The following ANKRD29 variants were observed in gnomAD, a reference collection of about 807,000 sequenced individuals.
ANKRD29 encodes ankyrin repeat domain-containing protein 29.
A neutral mutation model predicts 38.0 loss-of-function variants in ANKRD29; 32 were observed. The ratio of observed to expected loss-of-function variants is 0.84; its 90% confidence interval spans 0.64 to 1.13. ANKRD29 has a LOEUF of 1.13. Ranked by LOEUF, ANKRD29 falls within the 50% of genes most tolerant of loss-of-function variation. The probability of loss-of-function intolerance (pLI) is 0.00; values close to 1 mark genes in which losing one functional copy is unlikely to be tolerated. For missense variants in ANKRD29, 357 were observed against 377.9 expected, an observed-to-expected ratio of 0.94 and a Z score of 0.46; for synonymous variants, 135 against 152.4, an observed-to-expected ratio of 0.89 and a Z score of 0.84.
intron 4 of ANKRD29, among the ~76,000 whole-genome samples, chr18:23,635,290 TAAAA>T (rs111546184): frequency 2.3e-4 from 24 of 103,264 alleles, no homozygotes; most frequent in African/African-American, 7.7e-4. Context: ...ATAAAAAAAG[TAAAA>T]AAAAAAAAAA....
chr18:23,608,366 AG>A (rs1334085200), intron 9 of ANKRD29, among the ~76,000 whole-genome samples: 1 of 152,212 alleles, frequency 6.6e-6, no homozygotes, highest in African/African-American at 2.4e-5. Flanking sequence ...GGCTCCTCCC[AG>A]GTGTCTGAGG....
chr18:23,600,459 T>A lies in ANKRD29; in HGVS notation c.*767A>T, dbSNP rs765669551. The A allele has an allele frequency of 6.6e-6, 1 of 152,308 alleles. No individual in the cohort carries two copies. Among genetic ancestry groups the A allele is most frequent in the Non-Finnish European group, 1.5e-5 (1 of 68,028 alleles). 9.4% of individuals were successfully genotyped at this position (152,308 alleles called of 1,614,324 possible). On this transcript the variant is annotated 3_prime_UTR_variant, in exon 10 of 10. Coordinates refer to ENST00000592179, the MANE Select transcript of ANKRD29 (RefSeq NM_173505.4). Reference sequence around the variant, plus strand: ...ATAAAAGACCAAAGAGACAAGCCTATATATTTCTCGTGGTTTATAAGTTTC... The same window carrying A: ...ATAAAAGACCAAAGAGACAAGCCTAAATATTTCTCGTGGTTTATAAGTTTC...
At chr18:23,624,924 A>G (rs1393372133) in intron 6 of ANKRD29, among the ~76,000 whole-genome samples, 1 of 152,166 alleles carries the variant, frequency 6.6e-6, no homozygotes, top group Non-Finnish European at 1.5e-5. Flanking sequence ...CTAACCTTGT[A>G]TGGTCTTATG....
At chr18:23,639,592 G>A (rs2060046806) in intron 3 of ANKRD29, among the ~76,000 whole-genome samples, 1 of 148,612 alleles carries the variant, frequency 6.7e-6, no homozygotes, top group Non-Finnish European at 1.5e-5. Context: ...ATGGAGTGCA[G>A]TGGTGCCATC....
intron 6 of ANKRD29, among the ~76,000 whole-genome samples, chr18:23,626,516 C>T (rs2059864304): frequency 6.6e-6 from 1 of 152,018 alleles, no homozygotes; most frequent in South Asian, 2.1e-4. Flanking sequence ...GGTGAGGACA[C>T]GTGGAAAGAA....
At chr18:23,625,185 C>T (rs1021996683) in intron 6 of ANKRD29, among the ~76,000 whole-genome samples, 4 of 152,176 alleles carry the variant, frequency 2.6e-5, no homozygotes, top group African/African-American at 9.7e-5. Context: ...CTTACCCACC[C>T]TACCCTGCCC....
In ANKRD29 at chr18:23,654,425, G is replaced by A. The variant is rs2060252006; in HGVS notation, c.22-5232C>T. 2.0e-5 allele frequency among the ~76,000 whole-genome samples: 3 copies of A among 151,798 alleles called. No individual in the cohort carries two copies. In the South Asian group the frequency reaches 6.2e-4, roughly 31 times the overall value. On this transcript the variant is annotated intron_variant, in intron 1 of 9. Coordinates refer to ENST00000592179, the MANE Select transcript of ANKRD29 (RefSeq NM_173505.4). ...ACTTGAGCTCAGGAGTTCGAGACCA[G>A]TCTGGCCAACAACGTGAAACCCTGT...
At chr18:23,604,165 T>C (rs2059547835) in intron 9 of ANKRD29, among the ~76,000 whole-genome samples, 1 of 152,156 alleles carries the variant, frequency 6.6e-6, no homozygotes, top group Non-Finnish European at 1.5e-5. Flanking sequence ...ACCCTAGTTT[T>C]GGGAATGCCT....
chr18:23,614,258 C>T (rs2059682728), intron 8 of ANKRD29, among the ~76,000 whole-genome samples: 3 of 151,992 alleles, frequency 2.0e-5, no homozygotes, highest in African/African-American at 7.2e-5. Context: ...GACGGGGTTT[C>T]ACCACATTGG....
rs2059507429 is a variant in ANKRD29 at position 23,601,199 on chromosome 18, T to C, written c.*27A>G. Reference sequence around the variant, plus strand: ...TTTTGGACAATGTGGTTAAGCTTTCTATCTTTCTGTCAAATATGGAGCTAA... The same window carrying C: ...TTTTGGACAATGTGGTTAAGCTTTCCATCTTTCTGTCAAATATGGAGCTAA... On this transcript the variant is annotated 3_prime_UTR_variant, in exon 10 of 10. Coordinates refer to ENST00000592179, the MANE Select transcript of ANKRD29 (RefSeq NM_173505.4). The C allele has an allele frequency of 2.5e-6, 4 of 1,597,904 alleles. No homozygotes were observed. In the East Asian group the frequency reaches 8.9e-5, roughly 36 times the overall value.
chr18:23,623,809 A>AT (rs938519027), intron 6 of ANKRD29, among the ~76,000 whole-genome samples: 37 of 150,848 alleles, frequency 2.5e-4, no homozygotes, highest in Non-Finnish European at 3.5e-4. Context: ...CGCCCGGCTA[A>AT]TTTTTTTTTA....
chr18:23,639,776 G>A (rs963003585), intron 3 of ANKRD29, among the ~76,000 whole-genome samples: 1 of 152,072 alleles, frequency 6.6e-6, no homozygotes, highest in Middle Eastern at 3.2e-3. Flanking sequence ...CCTCAAGTGA[G>A]CTGCCCACCT....
chr18:23,601,145 T>A lies in ANKRD29; in HGVS notation c.*81A>T. The A allele has an allele frequency of 1.5e-6, 2 of 1,313,214 alleles. No homozygotes were observed. The highest frequency in any genetic ancestry group is 2.4e-5 in the East Asian group (1 of 42,446). The allele number at this position is 1,313,214 out of a possible 1,614,324, so 81.3% of individuals were successfully genotyped here. A position where few individuals can be genotyped will look rare whatever the true frequency, so the allele number is the denominator to read the frequency against. On this transcript the variant is annotated 3_prime_UTR_variant, in exon 10 of 10. Transcript: ENST00000592179. ...GGCATCTTTTTTTTTCATAAAAGAA[T>A]TTCCAACACTGCTTGAAATGCAATT...
intron 9 of ANKRD29, among the ~76,000 whole-genome samples, chr18:23,611,642 G>C (rs1027104091): frequency 1.3e-5 from 2 of 152,044 alleles, no homozygotes; most frequent in East Asian, 3.9e-4. Context: ...CCAAGATCAC[G>C]CCACTGCACT....
intron 6 of ANKRD29, among the ~76,000 whole-genome samples, chr18:23,622,202 C>T (rs768857799): frequency 1.4e-4 from 21 of 152,020 alleles, no homozygotes; most frequent in Admixed American, 1.4e-3. Context: ...GGGGAAGGGT[C>T]GTTTGAAGGA....
At chr18:23,661,762 C>T (rs2060365277) in intron 1 of ANKRD29, among the ~76,000 whole-genome samples, 3 of 152,198 alleles carry the variant, frequency 2.0e-5, no homozygotes, top group Admixed American at 2.0e-4. Context: ...TCCATTCTCA[C>T]CACCTATGCA....
At chr18:23,605,356 C>T (rs114204675) in intron 9 of ANKRD29, among the ~76,000 whole-genome samples, 228 of 151,996 alleles carry the variant, frequency 1.5e-3, no homozygotes, top group African/African-American at 5.3e-3. Flanking sequence ...CAGGTGTGTG[C>T]CACTATCCCT....
At position 23,634,066 on chromosome 18, in the gene ANKRD29, G is replaced by T; in HGVS notation, c.414C>A (p.Ile138=). Residue 138 remains isoleucine, a synonymous_variant, in exon 5 of 10, where the codon ATC becomes ATA. Coordinates refer to ENST00000592179, the MANE Select transcript of ANKRD29 (RefSeq NM_173505.4). ...ATGCACTCACATAAAGTTGGTCATG[G>T]ATGTTTGCTCCGTGCTTCAGCAAGG... ...VETLLKHGAN[I]HDQLYDGATA... is the part of the protein sequence containing the mutation. 6.2e-7 allele frequency: 1 copy of T among 1,614,150 alleles called. No individual in the cohort carries two copies. The highest frequency in any genetic ancestry group is 2.2e-5 in the East Asian group (1 of 44,884).
intron 6 of ANKRD29, among the ~76,000 whole-genome samples, chr18:23,621,632 T>A (rs1020037528): frequency 4.6e-5 from 7 of 152,162 alleles, no homozygotes; most frequent in Non-Finnish European, 2.9e-5. Flanking sequence ...ATTCTTTATT[T>A]GATTTTCCCA....
Sources: allele counts gnomAD v4.1 joint callset (sites outside exome capture counted in the v4.1 genomes callset), GRCh38; gene constraint gnomAD v4.1.1; transcripts MANE v1.5; gene names NCBI Gene and HGNC (gene_info 2026-07-23, HGNC 2026-07-21).